TSHZ3: variants seen among roughly 807,000 people sequenced by gnomAD.
TSHZ3 encodes the protein teashirt zinc finger homeobox 3, also known as teashirt homolog 3.
Under a neutral mutation model 64.5 loss-of-function variants are expected in TSHZ3, and 10 were observed. That is an observed-to-expected ratio of 0.16 (90% confidence interval 0.10 to 0.26). The LOEUF (loss-of-function observed/expected upper bound fraction) is 0.26, where lower values mean the gene tolerates loss of function less well. Among genes scored for constraint, TSHZ3 ranks in the 10% least tolerant of loss-of-function variants. The pLI, the probability that TSHZ3 is intolerant of heterozygous loss-of-function variation, is 1.00. For synonymous variants in TSHZ3, 608 were observed against 593.1 expected, an observed-to-expected ratio of 1.03 and a Z score of -0.36; for missense variants, 1,242 against 1,421.7, an observed-to-expected ratio of 0.87 and a Z score of 2.03.
At chr19:31,254,243 A>T (rs1436364701) in intron 1 of TSHZ3, among the ~76,000 whole-genome samples, 1 of 152,166 alleles carries the variant, frequency 6.6e-6, no homozygotes, top group African/African-American at 2.4e-5. Flanking sequence ...CAAAATGAAG[A>T]GCTTCAAGGT....
intron 1 of TSHZ3, among the ~76,000 whole-genome samples, chr19:31,242,944 G>A (rs933163754): frequency 1.3e-5 from 2 of 152,110 alleles, no homozygotes; most frequent in Non-Finnish European, 2.9e-5. Flanking sequence ...CCAGCAGATT[G>A]GATGGTGCCT....
intron 4 of TSHZ3, among the ~76,000 whole-genome samples, chr19:31,223,354 A>T (rs1975415896): frequency 6.8e-6 from 1 of 146,998 alleles, no homozygotes. Flanking sequence ...CTCTAATTTT[A>T]GTTCTTATAA....
intron 5 of TSHZ3, among the ~76,000 whole-genome samples, chr19:31,187,841 G>A (rs1258462814): frequency 6.6e-6 from 1 of 152,074 alleles, no homozygotes; most frequent in South Asian, 2.1e-4. Flanking sequence ...TTCACAGGCA[G>A]TCTTAAAATC....
intron 5 of TSHZ3, among the ~76,000 whole-genome samples, chr19:31,170,867 TACAA>T (rs771988831): frequency 1.3e-5 from 2 of 152,178 alleles, no homozygotes; most frequent in East Asian, 1.9e-4. Flanking sequence ...TCAGAGAATA[TACAA>T]ACAAACTTTC....
chr19:31,198,677 T>C (rs1004732811), intron 5 of TSHZ3, among the ~76,000 whole-genome samples: 2 of 152,206 alleles, frequency 1.3e-5, no homozygotes, highest in East Asian at 1.9e-4. Context: ...ATACCGTTTA[T>C]ATTAATACCC....
chr19:31,318,803 A>G (rs1416418198), intron 1 of TSHZ3, among the ~76,000 whole-genome samples: 21 of 152,242 alleles, frequency 1.4e-4, no homozygotes. Context: ...AAGTTCATTC[A>G]ATAAAAGTAT....
At chr19:31,308,904 C>G (rs931828172) in intron 1 of TSHZ3, among the ~76,000 whole-genome samples, 21 of 152,240 alleles carry the variant, frequency 1.4e-4, no homozygotes, top group African/African-American at 5.1e-4. Flanking sequence ...CATAACAGAG[C>G]TGAGACCAGA....
At chr19:31,242,446 C>T (rs540374782) in exon 3 of TSHZ3, among the ~76,000 whole-genome samples, 7 of 152,254 alleles carry the variant, frequency 4.6e-5, no homozygotes, top group Non-Finnish European at 8.8e-5. Context: ...TGCTACACAT[C>T]CTAGAGTACA....
At chr19:31,282,060 G>A (rs986970972) in intron 1 of TSHZ3, among the ~76,000 whole-genome samples, 2 of 152,128 alleles carry the variant, frequency 1.3e-5, no homozygotes, top group African/African-American at 4.8e-5. Context: ...TAATCCTCTC[G>A]GGGAACAGCT....
chr19:31,159,526 CT>C (rs1599552702), intron 5 of TSHZ3, among the ~76,000 whole-genome samples: 1 of 152,044 alleles, frequency 6.6e-6, no homozygotes, highest in East Asian at 1.9e-4. Context: ...CTCTTTCCAC[CT>C]TTTTAATGTG....
At chr19:31,281,867 C>T (rs1976366738) in intron 1 of TSHZ3, among the ~76,000 whole-genome samples, 1 of 152,200 alleles carries the variant, frequency 6.6e-6, no homozygotes, top group African/African-American at 2.4e-5. Flanking sequence ...GGAGGAAGAA[C>T]AGCCGAGGTA....
Position 31,278,534 on chromosome 19 carries a change from T to C in TSHZ3, c.1259A>G (p.Lys420Arg). The part of the protein sequence containing the change: ...HFIKVTNSAM[K>R]KGKPIVETPV... ...CGTCTCCACAATGGGCTTCCCCTTT[T>C]TCATAGCAGAGTTGGTGACCTTGAT... The change falls in exon 2 of 2, where the codon AAA becomes AGA. Residue 420 changes from lysine to arginine, a missense_variant. Lys to Arg is a conservative substitution (Grantham distance 26). Around this residue, in one of 4 missense-constraint regions of TSHZ3, gnomAD observed 555 missense variants for 704.0 expected, o/e 0.79. Coordinates refer to ENST00000240587, the MANE Select transcript of TSHZ3 (RefSeq NM_020856.4). The surrounding 1 kb of genome is among the most constrained non-coding windows in gnomAD (Gnocchi z 4.7). 1 of 1,614,148 alleles carries C rather than the reference T, an allele frequency of 6.2e-7. No individual in the cohort carries two copies. Among genetic ancestry groups the C allele is most frequent in the East Asian group, 2.2e-5 (1 of 44,866 alleles).
intron 1 of TSHZ3, among the ~76,000 whole-genome samples, chr19:31,308,024 C>T (rs974691996): frequency 7.2e-5 from 11 of 152,204 alleles, no homozygotes; most frequent in African/African-American, 2.2e-4. Context: ...TGTCTGTCAT[C>T]GGGAGCCCAG....
Position 31,279,091 on chromosome 19 carries a change from G to A in TSHZ3, c.702C>T (p.Asn234=), listed in dbSNP as rs138541165. 106 of 1,613,854 alleles carry A rather than the reference G, an allele frequency of 6.6e-5. No individual in the cohort carries two copies. The highest frequency in any genetic ancestry group is 1.6e-4 in the South Asian group (15 of 91,076). Residue 234 remains asparagine, a synonymous_variant, in exon 2 of 2, where the codon AAC becomes AAT. Transcript: ENST00000240587. The surrounding 1 kb of genome is among the most constrained non-coding windows in gnomAD (Gnocchi z 6.4). ...DTLVELTVHM[N]ETGHYRDDNH... is the part of the protein sequence containing the mutation. Reference sequence around the variant, plus strand: ...TGTCGTCGCGGTAATGCCCCGTCTCGTTCATGTGCACCGTCAACTCCACCA... The same window carrying A: ...TGTCGTCGCGGTAATGCCCCGTCTCATTCATGTGCACCGTCAACTCCACCA...
At chr19:31,274,464 C>A (rs1460495367), downstream of TSHZ3, among the ~76,000 whole-genome samples, 2 of 152,038 alleles carry the variant, frequency 1.3e-5, no homozygotes, top group African/African-American at 4.8e-5. Flanking sequence ...TCTGTCTGAC[C>A]CGATTGGTTC....
chr19:31,248,801 A>G lies in TSHZ3; in HGVS notation n.64-5926T>C, dbSNP rs572993464. Among the ~76,000 whole-genome samples the G allele has an allele frequency of 2.6e-3, 388 of 151,872 alleles. 2 individuals are homozygous for G. The highest frequency in any genetic ancestry group is 8.2e-3 in the African/African-American group (338 of 41,400). On this transcript the variant is annotated intron_variant and non_coding_transcript_variant, in intron 1 of 6. Transcript: ENST00000651361. ...CAGACCCTGTTTGAAAAAAAAAAAA[A>G]AAGAAGAAGAAGGAAAAAGAAAAAG... is the stretch of plus-strand genomic sequence containing the variant.
In TSHZ3 at chr19:31,201,795, T is replaced by G. The variant is rs1212759367; in HGVS notation, n.809+3161A>C. Among the ~76,000 whole-genome samples the G allele has an allele frequency of 2.6e-5, 4 of 152,302 alleles. No individual in the cohort carries two copies. In the East Asian group the frequency reaches 7.7e-4, roughly 29 times the overall value. On this transcript the variant is annotated intron_variant and non_coding_transcript_variant, in intron 5 of 6. Coordinates refer to the TSHZ3 transcript ENST00000651361. Reference sequence around the variant, plus strand: ...TCTTATTTCAAGTCAGATTACAATATTAAATGTTAGAAAGCACTGAGATCC... The same window carrying G: ...TCTTATTTCAAGTCAGATTACAATAGTAAATGTTAGAAAGCACTGAGATCC...
intron 1 of TSHZ3, among the ~76,000 whole-genome samples, chr19:31,313,856 G>A (rs1916527365): frequency 6.6e-6 from 1 of 152,188 alleles, no homozygotes; most frequent in Admixed American, 6.5e-5. Context: ...GGCACTGAGA[G>A]TCCGGGTACC....
intron 5 of TSHZ3, among the ~76,000 whole-genome samples, chr19:31,186,139 C>G (rs1974806041): frequency 6.6e-6 from 1 of 152,164 alleles, no homozygotes; most frequent in African/African-American, 2.4e-5. Context: ...CGTTCTTGTA[C>G]AAGTCTTTTG....
Sources: gnomAD v4.1 joint callset for allele counts (sites outside exome capture counted in the v4.1 genomes callset) on GRCh38, gnomAD v4.1.1 for gene constraint, gnomAD v4.1.1 regional missense constraint, Gnocchi (gnomAD v3.1) non-coding constraint, MANE v1.5 for transcripts, NCBI Gene and HGNC (gene_info 2026-07-23, HGNC 2026-07-21) for gene names.